CCDC191: variants seen among roughly 807,000 people sequenced by gnomAD.
CCDC191 encodes the protein coiled-coil domain-containing protein 191.
CCDC191 carries 99 observed loss-of-function variants against 114.0 expected under a neutral mutation model. That is an observed-to-expected ratio of 0.87 (90% confidence interval 0.74 to 1.03). The LOEUF is 1.03. CCDC191 is among the 50% of genes least tolerant of loss of function. The pLI is 0.00. For synonymous variants in CCDC191, 351 were observed against 376.0 expected (o/e 0.93, Z 0.77); for missense variants, 973 against 1,087.0 (o/e 0.90, Z 1.47).
rs1290437134 is a variant in CCDC191 at position 113,964,648 on chromosome 3, C to T, written c.*507G>A. On this transcript the variant is annotated 3_prime_UTR_variant, in exon 17 of 17. Coordinates refer to ENST00000295878, the MANE Select transcript of CCDC191 (RefSeq NM_020817.2). ...TCCTCTGCAGCAGCTGTGTAGAGAA[C>T]CTTTTCATACATGGTCTGCCTTCAG... 6.6e-6 allele frequency: 1 copy of T among 152,252 alleles called. No individual in the cohort carries two copies. Among genetic ancestry groups the T allele is most frequent in the East Asian group, 1.9e-4 (1 of 5,200 alleles). The allele number at this position is 152,252 out of a possible 1,614,324, so 9.4% of individuals were successfully genotyped here. A position where few individuals can be genotyped will look rare whatever the true frequency, so the allele number is the denominator to read the frequency against.
At chr3:114,025,616 A>G (rs2076309817) in intron 7 of CCDC191, among the ~76,000 whole-genome samples, 2 of 152,218 alleles carry the variant, frequency 1.3e-5, no homozygotes, top group Admixed American at 6.5e-5. Flanking sequence ...ATGCTTAACC[A>G]GTAAAATTCT....
chr3:113,970,720 C>G (rs1362398946), intron 16 of CCDC191, among the ~76,000 whole-genome samples: 2 of 152,056 alleles, frequency 1.3e-5, no homozygotes, highest in African/African-American at 4.8e-5. Flanking sequence ...CCTCCCCGTC[C>G]CCCCACCCCA....
chr3:114,042,727 G>A lies in CCDC191; in HGVS notation c.391C>T (p.His131Tyr). 6.3e-7 allele frequency: 1 copy of A among 1,584,316 alleles called. No individual in the cohort carries two copies. Among genetic ancestry groups the A allele is most frequent in the South Asian group, 1.2e-5 (1 of 84,656 alleles). Residue 131 changes from histidine to tyrosine, a missense_variant, in exon 4 of 17, where the codon CAT becomes TAT. Physicochemically the swap from His to Tyr is moderately conservative, Grantham distance 83. Coordinates refer to ENST00000295878, the MANE Select transcript of CCDC191 (RefSeq NM_020817.2). ...SVTIMPEANG[H>Y]LKYDKFDDLC... ...CCATCAAACTTGTCATATTTCAAAT[G>A]GCCATTGGCTTCCGGCATAATAGTG...
chr3:113,967,376 T>C, intron 16 of CCDC191, among the ~76,000 whole-genome samples: 1 of 115,256 alleles, frequency 8.7e-6, no homozygotes, highest in Admixed American at 1.0e-4. Context: ...CTTGCCTACA[T>C]TTCTCTTTCT....
Position 113,964,397 on chromosome 3 carries a change from A to G in CCDC191, c.*758T>C, listed in dbSNP as rs1452354110. On this transcript the variant is annotated 3_prime_UTR_variant, in exon 17 of 17. Transcript: ENST00000295878. ...AAAGATGAAAACATTCTTTGAATTC[A>G]AGATAGGTATCTCAATATCTAGATC... 1 of 152,224 alleles carries G rather than the reference A, an allele frequency of 6.6e-6. No individual in the cohort carries two copies. The highest frequency in any genetic ancestry group is 1.9e-4 in the East Asian group (1 of 5,208). 9.4% of individuals were successfully genotyped at this position (152,224 alleles called of 1,614,324 possible). A position where few individuals can be genotyped will look rare whatever the true frequency, so the allele number is the denominator to read the frequency against.
At position 113,978,993 on chromosome 3, in the gene CCDC191, G is replaced by A. The variant is rs759715102; in HGVS notation, c.2325C>T (p.Tyr775=). The part of the protein sequence containing the change: ...KQNIQVAEEH[Y]SLFLQRKYML... Reference sequence around the variant, plus strand: ...TGTATTTCCTCTGCAGGAACAAAGAGTAATGTTCTTCTGCCACCTGGACAA... The same window carrying A: ...TGTATTTCCTCTGCAGGAACAAAGAATAATGTTCTTCTGCCACCTGGACAA... Residue 775 remains tyrosine (Y), a synonymous_variant, in exon 15 of 17, where the codon TAC becomes TAT. Transcript: ENST00000295878. The A allele has an allele frequency of 5.0e-6, 8 of 1,613,656 alleles. No homozygotes were observed. The highest frequency in any genetic ancestry group is 6.8e-6 in the Non-Finnish European group (8 of 1,179,838).
chr3:113,976,236 G>A (rs1323793239), intron 16 of CCDC191, among the ~76,000 whole-genome samples: 1 of 151,934 alleles, frequency 6.6e-6, no homozygotes, highest in Non-Finnish European at 1.5e-5. Context: ...TCCAGCCTGG[G>A]TGACAGAGTA....
In CCDC191 at chr3:113,986,280, G is replaced by A. The variant is rs570989179; in HGVS notation, c.2164-5487C>T. On this transcript the variant is annotated intron_variant, in intron 13 of 16. Coordinates refer to ENST00000295878, the MANE Select transcript of CCDC191 (RefSeq NM_020817.2). ...TAGGGCAATGGAAATTACACAAACT[G>A]AAAGGCAAAAAGAGTGAAAAACAAA... is the stretch of plus-strand genomic sequence containing the variant. 1.5e-4 allele frequency among the ~76,000 whole-genome samples: 23 copies of A among 152,232 alleles called. No individual in the cohort carries two copies. In the East Asian group the frequency reaches 4.4e-3, roughly 29 times the overall value.
chr3:113,980,541 T>G (rs896556148), intron 14 of CCDC191, 109 bp downstream of exon 14: 1 of 1,024,682 alleles, frequency 9.8e-7, no homozygotes, highest in Non-Finnish European at 1.4e-6. Flanking sequence ...TAATTTATCT[T>G]TCTGGCTTTA....
At chr3:114,056,175 GC>G (rs1338700311) in intron 1 of CCDC191, among the ~76,000 whole-genome samples, 1 of 152,110 alleles carries the variant, frequency 6.6e-6, no homozygotes, top group Non-Finnish European at 1.5e-5. Context: ...CCACGATGCT[GC>G]CCACCAAAGC....
At chr3:113,966,751 C>T (rs1940213863) in intron 16 of CCDC191, among the ~76,000 whole-genome samples, 1 of 151,924 alleles carries the variant, frequency 6.6e-6, no homozygotes. Context: ...AATTTTATGG[C>T]TGTTGGTTAA....
intron 7 of CCDC191, among the ~76,000 whole-genome samples, chr3:114,021,064 A>G (rs759113053): frequency 6.6e-6 from 1 of 152,132 alleles, no homozygotes; most frequent in African/African-American, 2.4e-5. Flanking sequence ...TAAGGCTGAA[A>G]CTGAAACATT....
intron 16 of CCDC191, among the ~76,000 whole-genome samples, chr3:113,975,926 T>A (rs1008818536): frequency 6.6e-6 from 1 of 152,146 alleles, no homozygotes; most frequent in Non-Finnish European, 1.5e-5. Context: ...TTTCACAACT[T>A]CAAATCCTAA....
intron 11 of CCDC191, 51 bp from the exon 12 acceptor site, chr3:114,002,589 G>T: frequency 7.0e-7 from 1 of 1,435,442 alleles, no homozygotes; most frequent in Non-Finnish European, 9.5e-7. Flanking sequence ...AAAAATATGA[G>T]GAATACTGCA....
chr3:114,046,533 C>T (rs879244546), intron 3 of CCDC191, 58 bp downstream of exon 3: 5 of 1,038,332 alleles, frequency 4.8e-6, no homozygotes, highest in African/African-American at 1.6e-5. Flanking sequence ...CTTTGAAATG[C>T]ATCATGGGTT....
intron 2 of CCDC191, among the ~76,000 whole-genome samples, chr3:114,050,967 AC>A (rs948700493): frequency 1.1e-4 from 17 of 152,124 alleles, no homozygotes; most frequent in Non-Finnish European, 2.9e-5. Flanking sequence ...TCACAGTTTT[AC>A]CCAACCATCT....
chr3:114,014,886 A>T (rs1437238826), intron 8 of CCDC191, among the ~76,000 whole-genome samples: 2 of 151,076 alleles, frequency 1.3e-5, no homozygotes, highest in Non-Finnish European at 2.9e-5. Context: ...TAGATAAAAA[A>T]CTCCTAGAAG....
intron 2 of CCDC191, 53 bp from the exon 3 acceptor site, chr3:114,046,785 T>C: frequency 6.5e-7 from 1 of 1,527,760 alleles, no homozygotes. Flanking sequence ...ATTTGTTCAG[T>C]TAGAGAATTT....
intron 4 of CCDC191, among the ~76,000 whole-genome samples, chr3:114,041,618 T>C (rs74530553): frequency 2.3e-4 from 35 of 152,258 alleles, no homozygotes; most frequent in Middle Eastern, 3.4e-3. Flanking sequence ...GGAGGGTAGA[T>C]CAGACTACCT....
Sources: allele counts gnomAD v4.1 joint callset (sites outside exome capture counted in the v4.1 genomes callset), GRCh38; gene constraint gnomAD v4.1.1; transcripts MANE v1.5; gene names NCBI Gene and HGNC (gene_info 2026-07-23, HGNC 2026-07-21).